HIF3A: variants seen among roughly 807,000 people sequenced by gnomAD.
The protein encoded by HIF3A is hypoxia inducible factor 3 subunit alpha, also known as hypoxia-inducible factor 3-alpha.
In HIF3A, 41 loss-of-function variants were observed where a neutral mutation model predicts 67.2. The ratio of observed to expected loss-of-function variants is 0.61; its 90% CI spans 0.48 to 0.79. The LOEUF is 0.79. Ranked by LOEUF, HIF3A falls within the 30% of genes least tolerant of loss-of-function variation. The pLI is 0.00. For missense variants in HIF3A, 855 were observed against 898.0 expected, an observed-to-expected ratio of 0.95 and a Z score of 0.61; for synonymous variants, 356 against 374.8, an observed-to-expected ratio of 0.95 and a Z score of 0.58.
At position 46,309,320 on chromosome 19, in the gene HIF3A, G is replaced by C. The variant is rs573123002; in HGVS notation, c.731G>C (p.Arg244Pro). ...PPLGRGAFLS[R>P]HSLDMKFTYC... Reference sequence around the variant, plus strand: ...CTGGGCCGAGGGGCCTTCCTCAGCCGCCACAGCCTGGACATGAAGTTCACC... The same window carrying C: ...CTGGGCCGAGGGGCCTTCCTCAGCCCCCACAGCCTGGACATGAAGTTCACC... Residue 244 changes from arginine to proline, a missense_variant, in exon 6 of 15, where the codon CGC becomes CCC. This residue lies in a region of HIF3A where 638 missense variants were observed against 660.5 expected (regional missense o/e 0.97). Transcript: ENST00000377670. 6.2e-7 allele frequency: 1 copy of C among 1,612,578 alleles called. No homozygotes were observed. The highest frequency in any genetic ancestry group is 1.7e-5 in the Admixed American group (1 of 59,834).
intron 6 of HIF3A, chr19:46,310,705 T>C (rs1969351490): frequency 4.8e-6 from 2 of 413,750 alleles, no homozygotes; most frequent in Non-Finnish European, 4.8e-6. Flanking sequence ...AGTTTCCCGG[T>C]GCAAAGCACA....
At chr19:46,333,079 CTTA>C (rs1048112349) in intron 13 of HIF3A, among the ~76,000 whole-genome samples, 29 of 151,650 alleles carry the variant, frequency 1.9e-4, no homozygotes, top group African/African-American at 6.5e-4. Context: ...ACAGCTTACA[CTTA>C]TTAAGTGCCT....
chr19:46,304,876 C>G (rs1322604856), intron 2 of HIF3A, among the ~76,000 whole-genome samples: 1 of 151,894 alleles, frequency 6.6e-6, no homozygotes, highest in Admixed American at 6.6e-5. Context: ...CGAGGCTTCC[C>G]CCTCATCTCT....
intron 1 of HIF3A, among the ~76,000 whole-genome samples, chr19:46,301,153 T>G (rs902186241): frequency 6.6e-5 from 10 of 152,084 alleles, no homozygotes; most frequent in African/African-American, 2.4e-4. Flanking sequence ...GTATCTCCCC[T>G]GCTCCAACCC....
At chr19:46,310,304 A>C (rs1481065801) in intron 6 of HIF3A, among the ~76,000 whole-genome samples, 1 of 152,098 alleles carries the variant, frequency 6.6e-6, no homozygotes, top group African/African-American at 2.4e-5. Flanking sequence ...CTGAAGTGGG[A>C]GGAATAATTG....
intron 8 of HIF3A, among the ~76,000 whole-genome samples, chr19:46,319,185 G>T (rs1464323108): frequency 6.6e-6 from 1 of 152,184 alleles, no homozygotes; most frequent in Non-Finnish European, 1.5e-5. Context: ...TCCTGTTTGT[G>T]CCTGTGTGTA....
At position 46,309,364 on chromosome 19, in the gene HIF3A, G is replaced by T; in HGVS notation, c.770+5G>T. On this transcript the variant is annotated splice_donor_5th_base_variant and intron_variant, in intron 6 of 14. Coordinates refer to ENST00000377670, the MANE Select transcript of HIF3A (RefSeq NM_152795.4). ...GTTCACCTACTGTGACGACAGGTGGGCAGGGGCCCCCTCTTCCGTCTGCCC... is the reference window on the plus strand; with the variant it reads ...GTTCACCTACTGTGACGACAGGTGGTCAGGGGCCCCCTCTTCCGTCTGCCC... 1 of 1,593,406 alleles carries T rather than the reference G, an allele frequency of 6.3e-7. No individual in the cohort carries two copies. The highest frequency in any genetic ancestry group is 8.5e-7 in the Non-Finnish European group (1 of 1,169,780).
At chr19:46,313,416 G>C in intron 8 of HIF3A, 1 of 436,172 alleles carries the variant, frequency 2.3e-6, no homozygotes, top group Non-Finnish European at 2.9e-6. Context: ...AGAGCCTGGG[G>C]GTTCAAGACC....
intron 13 of HIF3A, among the ~76,000 whole-genome samples, chr19:46,332,481 A>C (rs1971302975): frequency 1.3e-5 from 2 of 152,154 alleles, no homozygotes; most frequent in Non-Finnish European, 2.9e-5. Context: ...TCAAGGCTGT[A>C]GTGAGCCATG....
At chr19:46,301,739 T>C (rs1443743189) in intron 1 of HIF3A, among the ~76,000 whole-genome samples, 2 of 151,544 alleles carry the variant, frequency 1.3e-5, no homozygotes, top group Non-Finnish European at 2.9e-5. Context: ...GGCAGGAGAA[T>C]TGAACCCGGC....
At chr19:46,316,719 C>G (rs1969939264) in intron 8 of HIF3A, among the ~76,000 whole-genome samples, 1 of 150,582 alleles carries the variant, frequency 6.6e-6, no homozygotes, top group Admixed American at 6.7e-5. Flanking sequence ...AGGAGAATCA[C>G]TTGAACCCCG....
At chr19:46,324,498 C>T (rs1346192867) in intron 10 of HIF3A, among the ~76,000 whole-genome samples, 3 of 152,148 alleles carry the variant, frequency 2.0e-5, no homozygotes, top group African/African-American at 7.2e-5. Flanking sequence ...GCTGAACTCT[C>T]CATTGTTTCC....
intron 11 of HIF3A, among the ~76,000 whole-genome samples, chr19:46,327,969 C>G (rs1255538713): frequency 1.3e-5 from 2 of 152,220 alleles, no homozygotes; most frequent in African/African-American, 4.8e-5. Context: ...TCAGGAAGCT[C>G]ACCAAAGCAT....
chr19:46,317,199 G>A (rs907979416), intron 8 of HIF3A, among the ~76,000 whole-genome samples: 1 of 151,828 alleles, frequency 6.6e-6, no homozygotes, highest in Non-Finnish European at 1.5e-5. Context: ...GGGATTACAG[G>A]TGTGAGCCCT....
chr19:46,298,224 C>A, intron 1 of HIF3A: 1 of 354,094 alleles, frequency 2.8e-6, no homozygotes. Flanking sequence ...ATCCTCTCCC[C>A]TGTCCCCTAC....
Position 46,312,537 on chromosome 19 carries a change from G to A in HIF3A, c.909G>A (p.Gln303=), listed in dbSNP as rs199903319. 1 of 1,614,078 alleles carries A rather than the reference G, an allele frequency of 6.2e-7. No homozygotes were observed. Among genetic ancestry groups the A allele is most frequent in the East Asian group, 2.2e-5 (1 of 44,878 alleles). Residue 303 remains glutamine (Q), a synonymous_variant, in exon 8 of 15, where the codon CAG becomes CAA. Transcript: ENST00000377670. The stretch of plus-strand genomic sequence containing the variant: ...GCAAGGGCCAGGCAGTAACAGGGCA[G>A]TATCGCTTCCTGGCCCGGAGTGGTG... ...LLSKGQAVTG[Q]YRFLARSGGY...
rs1204617136 is a variant in HIF3A at position 46,310,673 on chromosome 19, A to G, written c.770+1314A>G. The G allele has an allele frequency of 8.9e-6, 4 of 451,462 alleles. 1 individual carries two copies. The Middle Eastern group carries it at 1.3e-3, about 147-fold the overall frequency. 28.0% of individuals were successfully genotyped at this position (451,462 alleles called of 1,614,324 possible). ...AATCATAACAGAACCTGCCTTGTAC[A>G]GTCGTTCTGAGCAGCTCAGTGAGTT... On this transcript the variant is annotated intron_variant, in intron 6 of 14. Coordinates refer to ENST00000377670, the MANE Select transcript of HIF3A (RefSeq NM_152795.4).
Position 46,305,521 on chromosome 19 carries a change from C to T in HIF3A, c.363+131C>T, listed in dbSNP as rs546713191. ...AAGGGGATATAGGTATGTCACTAGACAGGAAGACCCAGAATGGTCAGGGCT... is the reference window on the plus strand; with the variant it reads ...AAGGGGATATAGGTATGTCACTAGATAGGAAGACCCAGAATGGTCAGGGCT... On this transcript the variant is annotated intron_variant, in intron 3 of 14. Transcript: ENST00000377670. The T allele has an allele frequency of 5.5e-5, 50 of 904,458 alleles. No individual in the cohort carries two copies. In the African/African-American group the frequency reaches 7.7e-4, roughly 14 times the overall value. The allele number at this position is 904,458 out of a possible 1,614,324, so 56.0% of individuals were successfully genotyped here.
chr19:46,336,238 G>A (rs897791340), intron 14 of HIF3A, among the ~76,000 whole-genome samples: 61 of 151,444 alleles, frequency 4.0e-4, no homozygotes, highest in African/African-American at 1.3e-3. Flanking sequence ...GACTACAGGC[G>A]CCCGCCACCT....
Sources: allele counts gnomAD v4.1 joint callset (sites outside exome capture counted in the v4.1 genomes callset), GRCh38; gene constraint gnomAD v4.1.1; regional missense constraint gnomAD v4.1.1; transcripts MANE v1.5; gene names NCBI Gene and HGNC (gene_info 2026-07-23, HGNC 2026-07-21).